The following MACROD2 variants were observed in gnomAD, a reference collection of about 807,000 sequenced individuals.
MACROD2 encodes ADP-ribose glycohydrolase MACROD2.
A neutral mutation model predicts 70.4 loss-of-function variants in MACROD2; 36 were observed. That is an observed-to-expected ratio of 0.51 (90% CI 0.39 to 0.68). The LOEUF (loss-of-function observed/expected upper bound fraction) is 0.68. MACROD2 is among the 30% of genes least tolerant of loss of function. The probability of loss-of-function intolerance (pLI) is 0.00; values close to 1 mark genes in which losing one functional copy is unlikely to be tolerated. For synonymous variants in MACROD2, 172 were observed against 178.8 expected, an observed-to-expected ratio of 0.96 and a Z score of 0.30; for missense variants, 496 against 538.4, an observed-to-expected ratio of 0.92 and a Z score of 0.78.
intron 2 of MACROD2, among the ~76,000 whole-genome samples, chr20:14,078,480 C>T (rs2053945971): frequency 6.6e-6 from 1 of 152,062 alleles, no homozygotes; most frequent in East Asian, 1.9e-4. Flanking sequence ...GATCTCGGCT[C>T]ACTGCAACCT....
chr20:15,955,220 TA>T (rs2065959767), intron 12 of MACROD2, among the ~76,000 whole-genome samples: 1 of 152,148 alleles, frequency 6.6e-6, no homozygotes, highest in Non-Finnish European at 1.5e-5. Flanking sequence ...GTACAATGAA[TA>T]AACCCAATTG....
intron 8 of MACROD2, among the ~76,000 whole-genome samples, chr20:15,819,489 A>G (rs1003788014): frequency 1.4e-5 from 2 of 146,288 alleles, no homozygotes; most frequent in African/African-American, 2.5e-5. Context: ...AGTTATATTG[A>G]TATATAAATA....
At chr20:14,536,626 G>GGTGTGTGTGTGT (rs11471542) in intron 4 of MACROD2, among the ~76,000 whole-genome samples, 21 of 139,164 alleles carry the variant, frequency 1.5e-4, no homozygotes, top group Middle Eastern at 3.7e-3. Flanking sequence ...AGGTAACATT[G>GGTGTGTGTGTGT]GTGTGTGTGT....
intron 15 of MACROD2, among the ~76,000 whole-genome samples, chr20:15,989,970 A>G (rs1266051786): frequency 6.6e-6 from 1 of 152,206 alleles, no homozygotes; most frequent in Non-Finnish European, 1.5e-5. Flanking sequence ...AGATGTTGCA[A>G]CATTAAGTTT....
At chr20:14,660,721 T>A (rs1389853130) in intron 4 of MACROD2, among the ~76,000 whole-genome samples, 1 of 151,980 alleles carries the variant, frequency 6.6e-6, no homozygotes, top group African/African-American at 2.4e-5. Flanking sequence ...CTTTTTGGAA[T>A]CCCCAGTGTT....
At chr20:14,224,208 C>A (rs1432337880) in intron 3 of MACROD2, among the ~76,000 whole-genome samples, 2 of 152,180 alleles carry the variant, frequency 1.3e-5, no homozygotes, top group African/African-American at 4.8e-5. Flanking sequence ...ATAAAACTAT[C>A]ACAGGAACTT....
At chr20:14,644,518 C>G (rs1985272270) in intron 4 of MACROD2, among the ~76,000 whole-genome samples, 1 of 151,994 alleles carries the variant, frequency 6.6e-6, no homozygotes, top group Admixed American at 6.6e-5. Flanking sequence ...GTTTTTTTGT[C>G]CCACTGTCTC....
At chr20:14,488,434 A>G (rs13039094) in intron 3 of MACROD2, among the ~76,000 whole-genome samples, 23,174 of 152,162 alleles carry the variant, frequency 0.15, 2,521 homozygotes, top group Non-Finnish European at 0.22. Context: ...CATTAGATGC[A>G]TTGCATAATA....
chr20:15,151,625 A>G (rs1359047864), intron 5 of MACROD2, among the ~76,000 whole-genome samples: 1 of 152,048 alleles, frequency 6.6e-6, no homozygotes, highest in African/African-American at 2.4e-5. Flanking sequence ...AGCATCTCAG[A>G]GTTGCTGCCA....
chr20:16,003,917 C>T (rs1190177811), intron 15 of MACROD2, among the ~76,000 whole-genome samples: 3 of 152,290 alleles, frequency 2.0e-5, no homozygotes, highest in East Asian at 1.9e-4. Flanking sequence ...GGTCTGCCCG[C>T]CTCGGCCTCC....
intron 4 of MACROD2, among the ~76,000 whole-genome samples, chr20:14,564,988 A>T (rs1314438410): frequency 1.3e-5 from 2 of 151,978 alleles, no homozygotes; most frequent in Admixed American, 1.3e-4. Context: ...TATACCATGG[A>T]ATACTACTCT....
intron 3 of MACROD2, among the ~76,000 whole-genome samples, chr20:14,269,764 G>C (rs2082174910): frequency 6.6e-6 from 1 of 151,348 alleles, no homozygotes; most frequent in South Asian, 2.1e-4. Context: ...GCTGGAATTT[G>C]GAAGTCAGAT....
chr20:15,892,825 T>C (rs2064909911), intron 10 of MACROD2: 1 of 395,392 alleles, frequency 2.5e-6, no homozygotes, highest in South Asian at 1.4e-4. Context: ...AGATTCAGCG[T>C]GTGTGTAGGT....
chr20:14,413,083 T>A (rs973122995), intron 3 of MACROD2, among the ~76,000 whole-genome samples: 2 of 152,084 alleles, frequency 1.3e-5, no homozygotes, highest in African/African-American at 4.8e-5. Context: ...TTACCACTTT[T>A]GGTAGGAGCC....
At chr20:14,220,873 T>C (rs528121092) in intron 3 of MACROD2, among the ~76,000 whole-genome samples, 3 of 152,292 alleles carry the variant, frequency 2.0e-5, no homozygotes, top group African/African-American at 7.2e-5. Context: ...AGTTTTGGGA[T>C]TGTCTCCTGG....
At chr20:14,991,712 A>T (rs1300010754) in intron 5 of MACROD2, among the ~76,000 whole-genome samples, 1 of 152,214 alleles carries the variant, frequency 6.6e-6, no homozygotes, top group African/African-American at 2.4e-5. Flanking sequence ...CTTTGGGGGA[A>T]GATGAAAGGG....
At chr20:14,464,570 C>G (rs936140431) in intron 3 of MACROD2, among the ~76,000 whole-genome samples, 9 of 152,046 alleles carry the variant, frequency 5.9e-5, no homozygotes, top group Admixed American at 3.9e-4. Flanking sequence ...TTCTTGCCTT[C>G]TGCTAGCTTT....
At chr20:15,421,378 C>T (rs1430626111) in intron 6 of MACROD2, among the ~76,000 whole-genome samples, 1 of 151,864 alleles carries the variant, frequency 6.6e-6, no homozygotes, top group Non-Finnish European at 1.5e-5. Flanking sequence ...GACTCTGTCT[C>T]AAAACCAAAA....
chr20:14,060,080 G>A (rs1253590623), intron 2 of MACROD2, among the ~76,000 whole-genome samples: 2 of 152,182 alleles, frequency 1.3e-5, no homozygotes, highest in Admixed American at 6.5e-5. Context: ...AAAACTATAG[G>A]TTATGACTAC....
Sources: allele counts gnomAD v4.1 joint callset (sites outside exome capture counted in the v4.1 genomes callset), GRCh38; gene constraint gnomAD v4.1.1; transcripts MANE v1.5; gene names NCBI Gene and HGNC (gene_info 2026-07-23, HGNC 2026-07-21).